Variants in TRABD2B observed in about 807,000 individuals in gnomAD.
The protein encoded by TRABD2B is TraB domain containing 2B.
TRABD2B carries 14 observed loss-of-function variants against 40.1 expected under a neutral mutation model. The ratio of observed to expected loss-of-function variants is 0.35; its 90% CI spans 0.23 to 0.55. TRABD2B has a LOEUF of 0.55. TRABD2B is among the 20% of genes least tolerant of loss of function. TRABD2B has a pLI of 0.90. For synonymous variants in TRABD2B, 263 were observed against 277.0 expected, an observed-to-expected ratio of 0.95 and a Z score of 0.50; for missense variants, 541 against 648.6, an observed-to-expected ratio of 0.83 and a Z score of 1.80.
chr1:47,960,988 A>G (rs1437439961), intron 2 of TRABD2B, among the ~76,000 whole-genome samples: 1 of 152,196 alleles, frequency 6.6e-6, no homozygotes, highest in Non-Finnish European at 1.5e-5. Context: ...TAACCAAAAC[A>G]GCATGGTACT....
chr1:47,897,163 T>C (rs1644533838), intron 2 of TRABD2B, among the ~76,000 whole-genome samples: 1 of 152,182 alleles, frequency 6.6e-6, no homozygotes, highest in South Asian at 2.1e-4. Flanking sequence ...AAGTTTTAAA[T>C]GGAGCAGTCA....
At chr1:47,798,264 C>T (rs1167538438) in intron 3 of TRABD2B, among the ~76,000 whole-genome samples, 1 of 152,228 alleles carries the variant, frequency 6.6e-6, no homozygotes, top group Admixed American at 6.5e-5. Context: ...CAGTCCAGGT[C>T]GATGGCTAGA....
At chr1:47,991,962 C>G (rs181271995) in intron 2 of TRABD2B, among the ~76,000 whole-genome samples, 139 of 152,294 alleles carry the variant, frequency 9.1e-4, no homozygotes, top group African/African-American at 3.2e-3. Context: ...CCCATTTAGT[C>G]CAAGGCTGCC....
chr1:47,839,491 C>T (rs147577168), intron 2 of TRABD2B, among the ~76,000 whole-genome samples: 54 of 152,336 alleles, frequency 3.5e-4, no homozygotes, highest in African/African-American at 7.2e-4. Flanking sequence ...CACTACCTGG[C>T]TTCAGGCCTC....
intron 5 of TRABD2B, among the ~76,000 whole-genome samples, chr1:47,776,510 G>A (rs1312597223): frequency 6.6e-6 from 1 of 152,230 alleles, no homozygotes; most frequent in Non-Finnish European, 1.5e-5. Context: ...AGGCGCTAAA[G>A]TGTCATTTGT....
chr1:47,856,412 A>G (rs79280844), intron 2 of TRABD2B, among the ~76,000 whole-genome samples: 3,586 of 152,358 alleles, frequency 0.024, 112 homozygotes, highest in Admixed American at 0.095. Context: ...TGTGTGTGTG[A>G]ATAATGAAAG....
intron 2 of TRABD2B, among the ~76,000 whole-genome samples, chr1:47,821,642 T>C (rs1645112121): frequency 6.6e-6 from 1 of 152,010 alleles, no homozygotes; most frequent in African/African-American, 2.4e-5. Context: ...TCTAGAATGC[T>C]TTTCACACTG....
At chr1:47,831,327 G>A (rs1645246420) in intron 2 of TRABD2B, among the ~76,000 whole-genome samples, 1 of 152,190 alleles carries the variant, frequency 6.6e-6, no homozygotes, top group Non-Finnish European at 1.5e-5. Flanking sequence ...AGTTTAAAAG[G>A]TCAGCGTGAA....
intron 2 of TRABD2B, among the ~76,000 whole-genome samples, chr1:47,895,799 T>G (rs1644510310): frequency 6.6e-6 from 1 of 152,248 alleles, no homozygotes; most frequent in Non-Finnish European, 1.5e-5. Context: ...CAGGTCGCAC[T>G]GCTGAGGAGG....
chr1:47,943,757 AACACACACACACAC>A (rs10554684), intron 2 of TRABD2B, among the ~76,000 whole-genome samples: 29 of 146,824 alleles, frequency 2.0e-4, no homozygotes, highest in African/African-American at 3.0e-4. Context: ...GCATCCAGAA[AACACACACACACAC>A]ACACACACAC....
At chr1:47,938,193 C>A (rs1043962482) in intron 2 of TRABD2B, among the ~76,000 whole-genome samples, 3 of 152,188 alleles carry the variant, frequency 2.0e-5, no homozygotes, top group African/African-American at 2.4e-5. Flanking sequence ...ATTAGCAGGA[C>A]CCTTCTCTCT....
intron 6 of TRABD2B, among the ~76,000 whole-genome samples, chr1:47,774,409 T>C (rs551926564): frequency 5.3e-5 from 8 of 152,272 alleles, no homozygotes; most frequent in African/African-American, 1.9e-4. Flanking sequence ...CCTTGTGCTC[T>C]AGCAACACTG....
intron 2 of TRABD2B, among the ~76,000 whole-genome samples, chr1:47,933,089 G>A (rs1467432634): frequency 1.4e-5 from 2 of 147,482 alleles, no homozygotes; most frequent in Admixed American, 1.4e-4. Flanking sequence ...AGCCCTCCGT[G>A]AGCCCCCATC....
intron 2 of TRABD2B, among the ~76,000 whole-genome samples, chr1:47,944,693 T>A (rs1225380836): frequency 6.6e-6 from 1 of 152,174 alleles, no homozygotes; most frequent in Non-Finnish European, 1.5e-5. Flanking sequence ...CAGGCTTGAC[T>A]GTTAGCTGGA....
intron 2 of TRABD2B, among the ~76,000 whole-genome samples, chr1:47,850,152 A>G (rs1570120704): frequency 6.6e-6 from 1 of 152,214 alleles, no homozygotes; most frequent in African/African-American, 2.4e-5. Context: ...GCTTCTAGGG[A>G]GCTTTCCCCT....
intron 2 of TRABD2B, among the ~76,000 whole-genome samples, chr1:47,962,026 T>C (rs894446211): frequency 6.6e-6 from 1 of 152,142 alleles, no homozygotes; most frequent in African/African-American, 2.4e-5. Flanking sequence ...TGGAATACTA[T>C]GCAGCCATAA....
intron 6 of TRABD2B, among the ~76,000 whole-genome samples, chr1:47,774,559 G>A (rs1644417394): frequency 1.3e-5 from 2 of 152,200 alleles, no homozygotes; most frequent in Non-Finnish European, 2.9e-5. Context: ...GGGTGGTAGA[G>A]GTGGCAGGAG....
intron 2 of TRABD2B, among the ~76,000 whole-genome samples, chr1:47,835,123 C>T (rs1466187084): frequency 6.6e-6 from 1 of 152,100 alleles, no homozygotes; most frequent in African/African-American, 2.4e-5. Context: ...TAAACATTCA[C>T]ATATTGTATA....
At chr1:47,951,912 G>A (rs962283652) in intron 2 of TRABD2B, among the ~76,000 whole-genome samples, 11 of 152,176 alleles carry the variant, frequency 7.2e-5, no homozygotes, top group Admixed American at 3.3e-4. Context: ...GTTCCCTCCC[G>A]TGTCCTTTTT....
Sources: allele counts gnomAD v4.1 joint callset (sites outside exome capture counted in the v4.1 genomes callset), GRCh38; gene constraint gnomAD v4.1.1; transcripts MANE v1.5; gene names NCBI Gene and HGNC (gene_info 2026-07-23, HGNC 2026-07-21).